Variants in UNC79 observed in about 807,000 individuals in gnomAD.
UNC79 encodes the protein protein unc-79 homolog.
A neutral mutation model predicts 283.1 loss-of-function variants in UNC79; 37 were observed. The ratio of observed to expected loss-of-function variants is 0.13; its 90% CI spans 0.10 to 0.17. UNC79 has a LOEUF of 0.17. Ranked by LOEUF, UNC79 falls within the 10% of genes least tolerant of loss-of-function variation. The pLI, the probability that UNC79 is intolerant of heterozygous loss-of-function variation, is 1.00. For missense variants in UNC79, 2,272 were observed against 3,211.1 expected, an observed-to-expected ratio of 0.71 and a Z score of 7.07; for synonymous variants, 1,107 against 1,200.2, an observed-to-expected ratio of 0.92 and a Z score of 1.61.
intron 47 of UNC79, among the ~76,000 whole-genome samples, chr14:93,697,755 C>CA (rs1208077365): frequency 1.3e-5 from 2 of 151,482 alleles, no homozygotes; most frequent in African/African-American, 2.4e-5. Flanking sequence ...CTCTACCCTG[C>CA]AAAAAAAAGA....
intron 2 of UNC79, among the ~76,000 whole-genome samples, chr14:93,469,168 A>G (rs902493401): frequency 5.9e-5 from 9 of 152,176 alleles, no homozygotes; most frequent in African/African-American, 2.2e-4. Flanking sequence ...TGTGCCCAAG[A>G]GTTAAGGAAT....
intron 23 of UNC79, among the ~76,000 whole-genome samples, chr14:93,594,179 A>T (rs548765827): frequency 6.6e-6 from 1 of 152,224 alleles, no homozygotes; most frequent in East Asian, 1.9e-4. Context: ...GTTACTGGGA[A>T]TGTTTGTTAA....
chr14:93,597,340 C>A lies in UNC79; in HGVS notation c.3191-19C>A. ...GTGTGTGTGTATTTACGTATTTTGC[C>A]TTCTCTTTTACATTGCAGTGGAAAA... On this transcript the variant is annotated intron_variant, in intron 23 of 48. Coordinates refer to ENST00000555664, the Ensembl canonical transcript of UNC79. 1 of 1,612,074 alleles carries A rather than the reference C, an allele frequency of 6.2e-7. No homozygotes were observed. The highest frequency in any genetic ancestry group is 1.7e-5 in the Admixed American group (1 of 59,880).
intron 14 of UNC79, among the ~76,000 whole-genome samples, chr14:93,543,082 AAAC>A (rs965658893): frequency 6.6e-6 from 1 of 151,692 alleles, no homozygotes; most frequent in Admixed American, 6.6e-5. Flanking sequence ...TTTTATTAAG[AAAC>A]AACAACAAAA....
chr14:93,402,291 AAAAG>A (rs575141945), intron 1 of UNC79, among the ~76,000 whole-genome samples: 45,586 of 116,936 alleles, frequency 0.39, 8,890 homozygotes, highest in Non-Finnish European at 0.44. Context: ...AAAAAAAAAA[AAAAG>A]AAAAGAAAAG....
intron 1 of UNC79, among the ~76,000 whole-genome samples, chr14:93,345,644 A>G (rs11622912): frequency 0.074 from 11,207 of 152,164 alleles, 875 homozygotes; most frequent in African/African-American, 0.19. Context: ...AAGGGACAAA[A>G]CGTTGATGAG....
chr14:93,491,237 G>T (rs2058708485), intron 5 of UNC79, among the ~76,000 whole-genome samples: 1 of 151,980 alleles, frequency 6.6e-6, no homozygotes, highest in Admixed American at 6.6e-5. Context: ...ATTTTGAGGT[G>T]ACACAAACAT....
At chr14:93,629,923 G>C (rs1474766508) in intron 30 of UNC79, among the ~76,000 whole-genome samples, 1 of 152,210 alleles carries the variant, frequency 6.6e-6, no homozygotes, top group African/African-American at 2.4e-5. Context: ...TGCTGCCTAA[G>C]ATGGCAACAA....
At chr14:93,388,240 T>G (rs2054817424) in intron 1 of UNC79, among the ~76,000 whole-genome samples, 1 of 152,130 alleles carries the variant, frequency 6.6e-6, no homozygotes, top group South Asian at 2.1e-4. Context: ...GCCTCCCTGG[T>G]AGGTGGGACT....
chr14:93,621,717 G>A lies in UNC79; in HGVS notation c.4484G>A (p.Arg1495His), dbSNP rs765076873. 29 of 1,613,830 alleles carry A rather than the reference G, an allele frequency of 1.8e-5. No individual in the cohort carries two copies. The highest frequency in any genetic ancestry group is 2.1e-5 in the Non-Finnish European group (25 of 1,179,914). The change falls in exon 30 of 49, where the codon CGC (arginine) becomes CAC (histidine). Residue 1495 changes from arginine to histidine, a missense_variant. Arg to His is a conservative substitution (Grantham distance 29). This residue lies in a region of UNC79 where 580 missense variants were observed against 632.2 expected (regional missense o/e 0.92). Coordinates refer to ENST00000555664, the Ensembl canonical transcript of UNC79. This position sits in a 1 kb window ranked among gnomAD's most constrained non-coding sequence, Gnocchi z 4.8. The stretch of plus-strand genomic sequence containing the variant: ...GAAAGCATTCCGAAAAAAAAGCTAC[G>A]CTCTTTCAAACAAAAATCTCTTGAT...
intron 7 of UNC79, among the ~76,000 whole-genome samples, chr14:93,514,334 C>G (rs1019134836): frequency 3.3e-5 from 5 of 152,158 alleles, no homozygotes; most frequent in African/African-American, 1.2e-4. Flanking sequence ...AATTTATAAA[C>G]TTAGGTCTAG....
intron 11 of UNC79, among the ~76,000 whole-genome samples, chr14:93,537,635 T>C (rs2061156091): frequency 6.6e-6 from 1 of 152,248 alleles, no homozygotes; most frequent in South Asian, 2.1e-4. Context: ...GTTCTGTTTT[T>C]TTCTTTATAT....
At chr14:93,360,902 G>A (rs1366402806) in intron 1 of UNC79, among the ~76,000 whole-genome samples, 6 of 151,996 alleles carry the variant, frequency 3.9e-5, no homozygotes, top group African/African-American at 1.4e-4. Flanking sequence ...TGCTGCATTT[G>A]GCCTCTTCTA....
intron 1 of UNC79, among the ~76,000 whole-genome samples, chr14:93,454,961 T>A (rs879835455): frequency 5.9e-5 from 9 of 152,070 alleles, no homozygotes; most frequent in Admixed American, 1.3e-4. Context: ...GATGATGATG[T>A]TGATGATGCT....
chr14:93,496,433 A>G, exon 6 of UNC79: 2 of 1,547,026 alleles, frequency 1.3e-6, no homozygotes, highest in Middle Eastern at 3.5e-4. Context: ...AATTACTGGA[A>G]TGCCTCATGA....
chr14:93,460,525 AAG>A, intron 1 of UNC79, among the ~76,000 whole-genome samples: 1 of 132,570 alleles, frequency 7.5e-6, no homozygotes, highest in South Asian at 2.4e-4. Flanking sequence ...AAAAAAAAAA[AAG>A]TATATAGAGC....
chr14:93,519,263 T>C (rs1410715276), intron 7 of UNC79, among the ~76,000 whole-genome samples: 1 of 151,900 alleles, frequency 6.6e-6, no homozygotes, highest in African/African-American at 2.4e-5. Flanking sequence ...GTAATATTCT[T>C]TGTTCTGAAA....
intron 40 of UNC79, among the ~76,000 whole-genome samples, chr14:93,668,978 T>TAAAAAAAAA (rs543609091): frequency 1.1e-4 from 9 of 79,918 alleles, no homozygotes; most frequent in African/African-American, 3.1e-4. Flanking sequence ...GAACATTGTC[T>TAAAAAAAAA]AAAAAAAAAA....
chr14:93,595,130 C>T (rs982772059), intron 23 of UNC79, among the ~76,000 whole-genome samples: 11 of 151,116 alleles, frequency 7.3e-5, no homozygotes, highest in Non-Finnish European at 1.5e-4. Flanking sequence ...TGCTCTATTG[C>T]ACAAGCTGGA....
Sources: gnomAD v4.1 joint callset for allele counts (sites outside exome capture counted in the v4.1 genomes callset) on GRCh38, gnomAD v4.1.1 for gene constraint, gnomAD v4.1.1 regional missense constraint, Gnocchi (gnomAD v3.1) non-coding constraint, MANE v1.5 for transcripts, NCBI Gene and HGNC (gene_info 2026-07-23, HGNC 2026-07-21) for gene names.